INSR: variants seen among roughly 807,000 people sequenced by gnomAD.
The protein encoded by INSR is insulin receptor, also known as IR.
Under a neutral mutation model 142.6 loss-of-function variants are expected in INSR, and 67 were observed. That is an observed-to-expected ratio of 0.47 (90% CI 0.39 to 0.58). The LOEUF (loss-of-function observed/expected upper bound fraction) is 0.58, where lower values mean the gene tolerates loss of function less well. Among genes scored for constraint, INSR ranks in the 20% least tolerant of loss-of-function variants. INSR has a pLI of 0.00. For missense variants in INSR, 1,248 were observed against 1,833.2 expected (o/e 0.68, Z 5.83); for synonymous variants, 756 against 743.1 (o/e 1.02, Z -0.28).
chr19:7,140,179 A>C (rs1301028670), intron 13 of INSR, among the ~76,000 whole-genome samples: 3 of 152,178 alleles, frequency 2.0e-5, no homozygotes, highest in Non-Finnish European at 2.9e-5. Context: ...TTTGGTTGCC[A>C]AGAGTAGATG....
chr19:7,156,742 G>A (rs1331546224), intron 9 of INSR, among the ~76,000 whole-genome samples: 1 of 151,196 alleles, frequency 6.6e-6, no homozygotes, highest in Non-Finnish European at 1.5e-5. Flanking sequence ...GCTTATAAAG[G>A]TAGCAGTCCT....
intron 2 of INSR, among the ~76,000 whole-genome samples, chr19:7,251,361 A>T (rs1424315053): frequency 6.6e-6 from 1 of 151,952 alleles, no homozygotes; most frequent in Non-Finnish European, 1.5e-5. Context: ...TGCTCAAGCG[A>T]TCCTCCCACC....
At chr19:7,149,395 T>C (rs1711550958) in intron 11 of INSR, among the ~76,000 whole-genome samples, 1 of 152,160 alleles carries the variant, frequency 6.6e-6, no homozygotes, top group Non-Finnish European at 1.5e-5. Context: ...CCAACTTGCC[T>C]CTTTAGTCTC....
chr19:7,204,220 T>A (rs561579363), intron 2 of INSR, among the ~76,000 whole-genome samples: 2,263 of 150,818 alleles, frequency 0.015, 62 homozygotes, highest in African/African-American at 0.053. Context: ...TTTTTTTTTT[T>A]AATTTTTTAT....
At chr19:7,274,455 G>C (rs1387994030) in intron 1 of INSR, among the ~76,000 whole-genome samples, 2 of 151,288 alleles carry the variant, frequency 1.3e-5, no homozygotes, top group African/African-American at 4.9e-5. Flanking sequence ...TGTGGTGTGT[G>C]CTTTACCCTG....
Position 7,142,852 on chromosome 19 carries a change from C to A in INSR, c.2506G>T (p.Val836Leu). ...GTCCTCGCACTGACGTAGGCTGCCA[C>A]ACTGCACCGTTCCTCAGGGGTGTCC... ...NQDTPEERCS[V>L]AAYVSARTMP... is the part of the protein sequence containing the mutation. The change falls in exon 12 of 22, where the codon GTG becomes TTG. Residue 836 changes from valine to leucine, a missense_variant. Coordinates refer to ENST00000302850, the MANE Select transcript of INSR (RefSeq NM_000208.4). 3 of 1,614,116 alleles carry A rather than the reference C, an allele frequency of 1.9e-6. No individual in the cohort carries two copies. The highest frequency in any genetic ancestry group is 2.5e-6 in the Non-Finnish European group (3 of 1,180,028).
In INSR at chr19:7,120,699, C is replaced by A. The variant is rs1345131931; in HGVS notation, c.3580G>T (p.Gly1194Cys). ...CACCGTACAGGGAGCAGACCCTTGC[C>A]CCCTTTCCGGTAGTAATCCGTTTCA... Reference protein sequence around the residue: ...IYETDYYRKGGKGLLPVRWMA... With the variant: ...IYETDYYRKGCKGLLPVRWMA... Residue 1194 changes from glycine to cysteine, a missense_variant, in exon 20 of 22, where the codon GGC (glycine) becomes TGC (cysteine). Physicochemically the swap from Gly to Cys is radical, Grantham distance 159 (BLOSUM62 -3). This residue lies in a region of INSR where 1,069 missense variants were observed against 1,654.0 expected (regional missense o/e 0.65). Coordinates refer to ENST00000302850, the MANE Select transcript of INSR (RefSeq NM_000208.4). 6.2e-7 allele frequency: 1 copy of A among 1,613,882 alleles called. No individual in the cohort carries two copies. The highest frequency in any genetic ancestry group is 1.7e-5 in the Admixed American group (1 of 59,994).
rs142116229 is a variant in INSR at position 7,160,720 on chromosome 19, G to A, written c.2029+2312C>T. Among the ~76,000 whole-genome samples the A allele has an allele frequency of 1.3e-3, 193 of 152,102 alleles. 1 individual carries two copies. The highest frequency in any genetic ancestry group is 4.4e-3 in the African/African-American group (184 of 41,526). ...CCCAATGTTAAAATAATTTTAGGCT[G>A]GGCGCGGTGGCTCACGCCTGTAATC... On this transcript the variant is annotated intron_variant, in intron 9 of 21. Transcript: ENST00000302850.
chr19:7,255,505 C>CT (rs55764352), intron 2 of INSR, among the ~76,000 whole-genome samples: 45,702 of 134,938 alleles, frequency 0.34, 8,334 homozygotes, highest in Middle Eastern at 0.44. Flanking sequence ...CCTGTCTTTT[C>CT]TTTTTTTTTT....
chr19:7,222,395 T>G (rs59086063), intron 2 of INSR, among the ~76,000 whole-genome samples: 19,465 of 152,048 alleles, frequency 0.13, 1,413 homozygotes, highest in East Asian at 0.23. Context: ...GGCTTCCTTA[T>G]TTTTTTGTTT....
rs1334544774 is a variant in INSR at position 7,259,238 on chromosome 19, G to A, written c.652+8107C>T. On this transcript the variant is annotated intron_variant, in intron 2 of 21. Coordinates refer to ENST00000302850, the MANE Select transcript of INSR (RefSeq NM_000208.4). ...GTTTCCTGCATTTCACCAACTTCCC[G>A]CAATGACATCTATAAGACACAAAGG... Among the ~76,000 whole-genome samples the A allele has an allele frequency of 2.7e-5, 4 of 148,236 alleles. 1 individual carries two copies. Among genetic ancestry groups the A allele is most frequent in the Admixed American group, 2.1e-4 (3 of 14,620 alleles).
chr19:7,131,782 T>A (rs1972788200), intron 14 of INSR, among the ~76,000 whole-genome samples: 1 of 146,944 alleles, frequency 6.8e-6, no homozygotes, highest in Non-Finnish European at 1.5e-5. Flanking sequence ...GTGGATCACT[T>A]GAGGTCAGGA....
intron 3 of INSR, among the ~76,000 whole-genome samples, chr19:7,179,474 C>G (rs898029662): frequency 1.3e-5 from 2 of 152,220 alleles, no homozygotes; most frequent in African/African-American, 4.8e-5. Context: ...GAGGCAGAAA[C>G]AAAATACTGA....
Position 7,152,998 on chromosome 19 carries a change from CCACACACACACACA to C in INSR, c.2030-85_2030-72del. 1.6e-5 allele frequency: 12 copies of C among 730,340 alleles called. No homozygotes were observed. The African/African-American group carries it at 2.6e-4, about 16-fold the overall frequency. 45.2% of individuals were successfully genotyped at this position (730,340 alleles called of 1,614,324 possible). A position where few individuals can be genotyped will look rare whatever the true frequency, so the allele number is the denominator to read the frequency against. On this transcript the variant is annotated intron_variant, in intron 9 of 21. Coordinates refer to ENST00000302850, the MANE Select transcript of INSR (RefSeq NM_000208.4). ...ACACACATACACACACACACACACC[CCACACACACACACA>C]CCACACACACACACCACACACACAC...
At chr19:7,254,484 G>A (rs953560823) in intron 2 of INSR, among the ~76,000 whole-genome samples, 1 of 151,990 alleles carries the variant, frequency 6.6e-6, no homozygotes, top group African/African-American at 2.4e-5. Context: ...AGCTATGATC[G>A]CACCACTGCA....
In INSR at chr19:7,205,482, G is replaced by A. The variant is rs530466486; in HGVS notation, c.653-20845C>T. ...CTGCCATGCAATCAAACTAAGGAAC[G>A]GATGGACAGCCAGCCATGCCTGTCA... On this transcript the variant is annotated intron_variant, in intron 2 of 21. Transcript: ENST00000302850. Among the ~76,000 whole-genome samples the A allele has an allele frequency of 1.4e-4, 22 of 152,286 alleles. No individual in the cohort carries two copies. The South Asian group carries it at 3.9e-3, about 27-fold the overall frequency.
chr19:7,231,730 C>T (rs1975986752), intron 2 of INSR, among the ~76,000 whole-genome samples: 1 of 152,008 alleles, frequency 6.6e-6, no homozygotes, highest in Non-Finnish European at 1.5e-5. Context: ...TGGCAGTAAA[C>T]CCCATCTAGG....
chr19:7,181,309 G>A (rs1974269452), intron 3 of INSR, among the ~76,000 whole-genome samples: 2 of 152,184 alleles, frequency 1.3e-5, no homozygotes, highest in South Asian at 4.1e-4. Context: ...TGTTCAAGGG[G>A]ACTGGGTCAG....
chr19:7,140,063 A>C (rs1279735901), intron 13 of INSR, among the ~76,000 whole-genome samples: 1 of 151,718 alleles, frequency 6.6e-6, no homozygotes, highest in Admixed American at 6.6e-5. Flanking sequence ...CCTGACCTCA[A>C]CCCTGTTGCA....
Sources: allele counts gnomAD v4.1 joint callset (sites outside exome capture counted in the v4.1 genomes callset), GRCh38; gene constraint gnomAD v4.1.1; regional missense constraint gnomAD v4.1.1; transcripts MANE v1.5; gene names NCBI Gene and HGNC (gene_info 2026-07-23, HGNC 2026-07-21).